Variants in AGBL1 observed in about 807,000 individuals in gnomAD.
AGBL1 encodes the protein AGBL carboxypeptidase 1.
AGBL1 carries 130 observed loss-of-function variants against 118.9 expected under a neutral mutation model. That is an observed-to-expected ratio of 1.09 (90% confidence interval 0.95 to 1.26). The LOEUF is 1.26. Among genes scored for constraint, AGBL1 ranks in the 50% most tolerant of loss-of-function variants. AGBL1 has a pLI of 0.00. For synonymous variants in AGBL1, 555 were observed against 478.9 expected (o/e 1.16, Z -2.08); for missense variants, 1,584 against 1,298.1 (o/e 1.22, Z -3.38).
Position 86,586,157 on chromosome 15 carries a change from A to G in AGBL1, c.2994+31620A>G, listed in dbSNP as rs1217055626. Among the ~76,000 whole-genome samples the G allele has an allele frequency of 2.0e-5, 3 of 152,262 alleles. No homozygotes were observed. In the East Asian group the frequency reaches 5.8e-4, roughly 29 times the overall value. On this transcript the variant is annotated intron_variant, in intron 21 of 22. Transcript: ENST00000614907. ...AGAAAGGAGAAGAGGAAGGAATAATAAATCCCCCTCTCTCTTGCTTACTCT... is the reference window on the plus strand; with the variant it reads ...AGAAAGGAGAAGAGGAAGGAATAATGAATCCCCCTCTCTCTTGCTTACTCT...
At chr15:86,752,262 T>C (rs959468031) in intron 22 of AGBL1, among the ~76,000 whole-genome samples, 2 of 152,136 alleles carry the variant, frequency 1.3e-5, no homozygotes, top group Non-Finnish European at 2.9e-5. Flanking sequence ...CCAACTGATA[T>C]ATTCCAATCT....
At chr15:86,152,925 G>C (rs985769447) in intron 3 of AGBL1, among the ~76,000 whole-genome samples, 1 of 152,152 alleles carries the variant, frequency 6.6e-6, no homozygotes, top group Non-Finnish European at 1.5e-5. Flanking sequence ...CATCATCACT[G>C]GTCATCAGAG....
chr15:86,565,834 G>T (rs1000317853), intron 21 of AGBL1, among the ~76,000 whole-genome samples: 1 of 152,188 alleles, frequency 6.6e-6, no homozygotes, highest in Non-Finnish European at 1.5e-5. Context: ...GCAATGGTGG[G>T]TGCCCCTCCC....
At chr15:86,815,735 A>T (rs897040661) in intron 22 of AGBL1, among the ~76,000 whole-genome samples, 1 of 137,804 alleles carries the variant, frequency 7.3e-6, no homozygotes, top group African/African-American at 2.4e-5. Flanking sequence ...GCAAAATCCC[A>T]ACCCCAGCTC....
intron 21 of AGBL1, among the ~76,000 whole-genome samples, chr15:86,559,792 A>G (rs1359164904): frequency 1.3e-5 from 2 of 152,012 alleles, no homozygotes; most frequent in Non-Finnish European, 2.9e-5. Flanking sequence ...TTGAAGCCAG[A>G]CAGATATGTT....
At chr15:86,985,194 A>G (rs757440192) in intron 23 of AGBL1, among the ~76,000 whole-genome samples, 3 of 152,204 alleles carry the variant, frequency 2.0e-5, no homozygotes, top group Non-Finnish European at 2.9e-5. Flanking sequence ...TAAAACCTCT[A>G]TGGACATTCA....
At chr15:86,649,490 C>A (rs940036021) in intron 21 of AGBL1, among the ~76,000 whole-genome samples, 1 of 152,124 alleles carries the variant, frequency 6.6e-6, no homozygotes, top group Non-Finnish European at 1.5e-5. Context: ...GAAGTGAGCC[C>A]AATCAGCAGA....
intron 23 of AGBL1, among the ~76,000 whole-genome samples, chr15:86,934,089 T>C (rs1166426159): frequency 6.6e-6 from 1 of 152,192 alleles, no homozygotes; most frequent in Non-Finnish European, 1.5e-5. Context: ...CACTATACTT[T>C]TAATAGAGTG....
intron 6 of AGBL1, among the ~76,000 whole-genome samples, chr15:86,242,439 G>C (rs1205392982): frequency 6.6e-6 from 1 of 152,130 alleles, no homozygotes; most frequent in Non-Finnish European, 1.5e-5. Flanking sequence ...GTTTTATTTT[G>C]GATAAAGACT....
intron 21 of AGBL1, among the ~76,000 whole-genome samples, chr15:86,646,726 C>T (rs1338616666): frequency 6.6e-6 from 1 of 152,094 alleles, no homozygotes; most frequent in Non-Finnish European, 1.5e-5. Flanking sequence ...TCAATTTTGC[C>T]ATTAGTCAGT....
chr15:86,319,743 GTTTTTTTTTTTTTTTTTTTTTT>G (rs139831044), intron 17 of AGBL1, among the ~76,000 whole-genome samples: 4 of 47,254 alleles, frequency 8.5e-5, no homozygotes, highest in African/African-American at 3.7e-4. Flanking sequence ...CTCTTTGGTA[GTTTTTTTTTTTTTTTTTTTTTT>G]TTTTTTTTTT....
chr15:86,122,062 C>T (rs978108508), intron 1 of AGBL1, among the ~76,000 whole-genome samples: 2 of 152,284 alleles, frequency 1.3e-5, no homozygotes, highest in African/African-American at 2.4e-5. Context: ...CACACATTTG[C>T]GTTTGAATGT....
At chr15:86,102,267 C>G (rs1031743056) in intron 1 of AGBL1, among the ~76,000 whole-genome samples, 5 of 152,162 alleles carry the variant, frequency 3.3e-5, no homozygotes, top group Non-Finnish European at 7.3e-5. Context: ...TCTCAAACTC[C>G]TGACCTCAAG....
chr15:86,097,796 CTT>C (rs1479606057), intron 1 of AGBL1, among the ~76,000 whole-genome samples: 1 of 151,978 alleles, frequency 6.6e-6, no homozygotes, highest in Non-Finnish European at 1.5e-5. Flanking sequence ...GCAGGTATCT[CTT>C]TGATATATAG....
intron 22 of AGBL1, among the ~76,000 whole-genome samples, chr15:86,674,964 A>C (rs2085812232): frequency 6.6e-6 from 1 of 152,196 alleles, no homozygotes; most frequent in South Asian, 2.1e-4. Flanking sequence ...GAAAGGCTAG[A>C]TTTCTGAGAA....
At chr15:86,546,604 T>C (rs1167372298) in intron 20 of AGBL1, among the ~76,000 whole-genome samples, 3 of 152,268 alleles carry the variant, frequency 2.0e-5, no homozygotes, top group African/African-American at 7.2e-5. Context: ...TAGGAAGGGA[T>C]GAATAAACAT....
chr15:86,315,171 G>T (rs1317478172), intron 17 of AGBL1, among the ~76,000 whole-genome samples: 3 of 152,126 alleles, frequency 2.0e-5, no homozygotes, highest in Non-Finnish European at 4.4e-5. Flanking sequence ...AATACCCAGG[G>T]TAACCCGAAA....
intron 22 of AGBL1, among the ~76,000 whole-genome samples, chr15:86,793,081 T>C (rs12900496): frequency 0.33 from 49,951 of 152,084 alleles, 10,090 homozygotes; most frequent in Non-Finnish European, 0.48. Context: ...AAGGAGCCTA[T>C]AGAATTTCCC....
chr15:86,351,272 C>A (rs760030445), intron 17 of AGBL1, among the ~76,000 whole-genome samples: 30 of 152,152 alleles, frequency 2.0e-4, no homozygotes, highest in African/African-American at 7.0e-4. Context: ...CCTTTTATAA[C>A]AAACCCACTC....
Sources: gnomAD v4.1 joint callset for allele counts (sites outside exome capture counted in the v4.1 genomes callset) on GRCh38, gnomAD v4.1.1 for gene constraint, MANE v1.5 for transcripts, NCBI Gene and HGNC (gene_info 2026-07-23, HGNC 2026-07-21) for gene names.